Variants in PRKN observed in about 807,000 individuals in gnomAD.
PRKN encodes the protein parkin RBR E3 ubiquitin protein ligase, also known as E3 ubiquitin-protein ligase parkin.
In PRKN, 56 loss-of-function variants were observed where a neutral mutation model predicts 59.5. The ratio of observed to expected loss-of-function variants is 0.94; its 90% CI spans 0.76 to 1.18. The LOEUF is 1.18. Among genes scored for constraint, PRKN ranks in the 50% most tolerant of loss-of-function variants. PRKN has a pLI of 0.00. For missense variants in PRKN, 657 were observed against 596.4 expected (o/e 1.10, Z -1.06); for synonymous variants, 250 against 222.1 (o/e 1.13, Z -1.12).
intron 6 of PRKN, among the ~76,000 whole-genome samples, chr6:161,913,082 G>A (rs1200130609): frequency 1.3e-5 from 2 of 149,776 alleles, no homozygotes; most frequent in African/African-American, 4.9e-5. Context: ...GCTGAGGCAG[G>A]AGAATTGCCC....
chr6:162,336,219 G>A (rs9365403), intron 2 of PRKN, among the ~76,000 whole-genome samples: 24,860 of 151,958 alleles, frequency 0.16, 2,241 homozygotes, highest in African/African-American at 0.22. Context: ...ATGTATACAA[G>A]TATAAAATGT....
At chr6:161,666,598 T>C (rs1218116412) in intron 7 of PRKN, among the ~76,000 whole-genome samples, 1 of 152,218 alleles carries the variant, frequency 6.6e-6, no homozygotes, top group Non-Finnish European at 1.5e-5. Context: ...CAGTGAGTCA[T>C]TGCAACAAAT....
intron 1 of PRKN, among the ~76,000 whole-genome samples, chr6:162,726,100 T>C (rs533800331): frequency 6.6e-6 from 1 of 152,330 alleles, no homozygotes; most frequent in South Asian, 2.1e-4. Context: ...TCCAAACACA[T>C]TTCATCCTAA....
intron 1 of PRKN, among the ~76,000 whole-genome samples, chr6:162,674,846 G>T (rs924494557): frequency 2.6e-5 from 4 of 152,102 alleles, no homozygotes; most frequent in Admixed American, 6.5e-5. Flanking sequence ...AGACAGTCGA[G>T]TTGGAAAGAA....
intron 2 of PRKN, among the ~76,000 whole-genome samples, chr6:162,272,687 TG>T (rs2128103744): frequency 6.6e-6 from 1 of 152,250 alleles, no homozygotes; most frequent in South Asian, 2.1e-4. Context: ...AGGTGTTTAC[TG>T]TGGGATTATT....
intron 2 of PRKN, among the ~76,000 whole-genome samples, chr6:162,325,415 T>A (rs1279168905): frequency 6.6e-6 from 1 of 152,170 alleles, no homozygotes; most frequent in African/African-American, 2.4e-5. Context: ...GGAAACAGCC[T>A]CAATTTACTA....
chr6:161,483,706 A>C lies in PRKN; in HGVS notation c.1083+65148T>G, dbSNP rs1791521605. Among the ~76,000 whole-genome samples the C allele has an allele frequency of 6.6e-6, 1 of 152,176 alleles. No individual in the cohort carries two copies. Among genetic ancestry groups the C allele is most frequent in the South Asian group, 2.1e-4 (1 of 4,814 alleles). On this transcript the variant is annotated intron_variant, in intron 9 of 11. Coordinates refer to ENST00000366898, the MANE Select transcript of PRKN (RefSeq NM_004562.3). The surrounding 1 kb of genome is among the most constrained non-coding windows in gnomAD (Gnocchi z 5.0). The stretch of plus-strand genomic sequence containing the variant: ...TGTGACCTCTTCTACTTATTTCTTA[A>C]GGCATGGGAGTGGCATAGTGAGATC...
At position 161,525,815 on chromosome 6, in the gene PRKN, T is replaced by C. The variant is rs1778997146; in HGVS notation, c.1083+23039A>G. On this transcript the variant is annotated intron_variant, in intron 9 of 11. Transcript: ENST00000366898. This position sits in a 1 kb window ranked among gnomAD's most constrained non-coding sequence, Gnocchi z 4.7. ...AAAAATGTTCTGTATACTACTTGGC[T>C]ATAGAATAGCCTACAGATATAATAA... Among the ~76,000 whole-genome samples, 1 of 152,202 alleles carries C rather than the reference T, an allele frequency of 6.6e-6. No homozygotes were observed. The highest frequency in any genetic ancestry group is 2.4e-5 in the African/African-American group (1 of 41,462).
chr6:161,759,283 T>C (rs1789089164), intron 7 of PRKN, among the ~76,000 whole-genome samples: 1 of 152,192 alleles, frequency 6.6e-6, no homozygotes, highest in South Asian at 2.1e-4. Flanking sequence ...TATGAGTTCA[T>C]GGCACGCCTG....
At chr6:161,756,299 A>G (rs1248205148) in intron 7 of PRKN, among the ~76,000 whole-genome samples, 4 of 151,922 alleles carry the variant, frequency 2.6e-5, no homozygotes, top group Non-Finnish European at 5.9e-5. Context: ...AAAATCAGCC[A>G]GGCATGGTCG....
Position 161,497,993 on chromosome 6 carries a change from T to C in PRKN, c.1083+50861A>G, listed in dbSNP as rs1777817750. Among the ~76,000 whole-genome samples, 1 of 152,206 alleles carries C rather than the reference T, an allele frequency of 6.6e-6. No homozygotes were observed. The highest frequency in any genetic ancestry group is 2.4e-5 in the African/African-American group (1 of 41,448). ...CAAATGACGGGAGAGAGGAAACCTTTGCTTCCATGAGGGGATATTTGTTCT... is the reference window on the plus strand; with the variant it reads ...CAAATGACGGGAGAGAGGAAACCTTCGCTTCCATGAGGGGATATTTGTTCT... On this transcript the variant is annotated intron_variant, in intron 9 of 11. Coordinates refer to ENST00000366898, the MANE Select transcript of PRKN (RefSeq NM_004562.3). This position sits in a 1 kb window ranked among gnomAD's most constrained non-coding sequence, Gnocchi z 4.6.
At chr6:161,895,492 G>A (rs528997153) in intron 6 of PRKN, among the ~76,000 whole-genome samples, 4 of 143,180 alleles carry the variant, frequency 2.8e-5, no homozygotes, top group African/African-American at 1.2e-4. Context: ...TGAGATTCAG[G>A]AGTACGCCCA....
In PRKN at chr6:161,360,252, T is replaced by A; in HGVS notation, c.1168-47A>T. 1 of 1,418,816 alleles carries A rather than the reference T, an allele frequency of 7.0e-7. No homozygotes were observed. Among genetic ancestry groups the A allele is most frequent in the Non-Finnish European group, 1.0e-6 (1 of 1,001,250 alleles). 87.9% of individuals were successfully genotyped at this position (1,418,816 alleles called of 1,614,324 possible). On this transcript the variant is annotated intron_variant, in intron 10 of 11. Coordinates refer to ENST00000366898, the MANE Select transcript of PRKN (RefSeq NM_004562.3). The surrounding 1 kb of genome is among the most constrained non-coding windows in gnomAD (Gnocchi z 5.1). ...GCGTTTAATCTCAGCTTTCTATTAC[T>A]GGGATCAGAGTTTATGTTCCCTGTA...
At chr6:161,642,004 G>A (rs1783762286) in intron 7 of PRKN, among the ~76,000 whole-genome samples, 1 of 152,156 alleles carries the variant, frequency 6.6e-6, no homozygotes. Flanking sequence ...AATTCTCTAA[G>A]AAAGAAGTTT....
At chr6:162,152,530 A>G (rs539022119) in intron 4 of PRKN, among the ~76,000 whole-genome samples, 29 of 152,352 alleles carry the variant, frequency 1.9e-4, no homozygotes, top group African/African-American at 6.7e-4. Context: ...CAGGAACAGT[A>G]GTTTACAGTT....
Position 161,413,376 on chromosome 6 carries a change from T to C in PRKN, c.1084-26499A>G, listed in dbSNP as rs1397505800. Among the ~76,000 whole-genome samples the C allele has an allele frequency of 3.9e-5, 6 of 152,288 alleles. No individual in the cohort carries two copies. In the South Asian group the frequency reaches 1.2e-3, roughly 32 times the overall value. On this transcript the variant is annotated intron_variant, in intron 9 of 11. Transcript: ENST00000366898. This position sits in a 1 kb window ranked among gnomAD's most constrained non-coding sequence, Gnocchi z 4.4. ...ATTAGAAGAAGAATTCATATACACA[T>C]ACTGCAGCAAAGGGAATGACAGCTG...
chr6:162,271,026 T>TTG, intron 2 of PRKN, among the ~76,000 whole-genome samples: 1 of 148,092 alleles, frequency 6.8e-6, no homozygotes, highest in African/African-American at 2.5e-5. Flanking sequence ...GTTTTTTTTT[T>TTG]TTTTTTTTTT....
chr6:161,760,801 G>T (rs373657531), intron 7 of PRKN, among the ~76,000 whole-genome samples: 1 of 152,130 alleles, frequency 6.6e-6, no homozygotes, highest in Non-Finnish European at 1.5e-5. Context: ...AGTCCTCTAA[G>T]AGCATAAATA....
chr6:161,953,946 T>C (rs1267169289), intron 6 of PRKN, among the ~76,000 whole-genome samples: 1 of 152,174 alleles, frequency 6.6e-6, no homozygotes, highest in African/African-American at 2.4e-5. Context: ...TTATTGACTA[T>C]GTGACATTGA....
Sources: gnomAD v4.1 joint callset for allele counts (sites outside exome capture counted in the v4.1 genomes callset) on GRCh38, gnomAD v4.1.1 for gene constraint, Gnocchi (gnomAD v3.1) non-coding constraint, MANE v1.5 for transcripts, NCBI Gene and HGNC (gene_info 2026-07-23, HGNC 2026-07-21) for gene names.